The following CD38 variants were observed in gnomAD, a reference collection of about 807,000 sequenced individuals.
CD38 encodes the protein ADP-ribosyl cyclase/cyclic ADP-ribose hydrolase 1.
A neutral mutation model predicts 36.3 loss-of-function variants in CD38; 31 were observed. The ratio of observed to expected loss-of-function variants is 0.85; its 90% CI spans 0.64 to 1.15. CD38 has a LOEUF of 1.15. CD38 is among the 50% of genes most tolerant of loss of function. The pLI is 0.00. For synonymous variants in CD38, 131 were observed against 135.2 expected, an observed-to-expected ratio of 0.97 and a Z score of 0.22; for missense variants, 380 against 371.9, an observed-to-expected ratio of 1.02 and a Z score of -0.18.
chr4:15,841,691 C>T (rs954367646), intron 7 of CD38, among the ~76,000 whole-genome samples: 3 of 149,712 alleles, frequency 2.0e-5, no homozygotes, highest in Non-Finnish European at 4.4e-5. Context: ...GGGCGCAGGC[C>T]AGTGTGTGTG....
intron 1 of CD38, among the ~76,000 whole-genome samples, chr4:15,789,615 T>A (rs940583698): frequency 4.6e-5 from 7 of 152,124 alleles, no homozygotes; most frequent in Admixed American, 2.0e-4. Context: ...ATTGGCCCTT[T>A]AGGAGGTGAC....
intron 2 of CD38, among the ~76,000 whole-genome samples, chr4:15,824,359 G>A (rs954713321): frequency 2.0e-5 from 3 of 151,710 alleles, no homozygotes; most frequent in African/African-American, 7.3e-5. Flanking sequence ...TCATAAAACA[G>A]AATATAATTC....
chr4:15,807,356 A>G (rs1228548733), intron 1 of CD38, among the ~76,000 whole-genome samples: 1 of 152,208 alleles, frequency 6.6e-6, no homozygotes, highest in Non-Finnish European at 1.5e-5. Flanking sequence ...CCTATCAGCT[A>G]TGATAAAAGG....
At chr4:15,841,607 G>C (rs1577662677) in intron 7 of CD38, among the ~76,000 whole-genome samples, 2 of 148,232 alleles carry the variant, frequency 1.3e-5, no homozygotes, top group African/African-American at 5.2e-5. Flanking sequence ...CAGCGTGAGC[G>C]ACGCAGAAGA....
chr4:15,834,223 A>G lies in CD38; in HGVS notation c.506A>G (p.Asn169Ser), dbSNP rs748158740. 1.9e-6 allele frequency: 3 copies of G among 1,600,654 alleles called. No individual in the cohort carries two copies. Among genetic ancestry groups the G allele is most frequent in the Admixed American group, 1.7e-5 (1 of 59,998 alleles). ...TACAAACTATGTCTTTTAGAAATAA[A>G]CTATCAATCTTGCCCAGACTGGAGA... ...WCGEFNTSKI[N>S]YQSCPDWRKD... Residue 169 changes from asparagine to serine, a missense_variant, in exon 4 of 8, where the codon AAC becomes AGC. Asn to Ser is a conservative substitution (Grantham distance 46, BLOSUM62 1). Transcript: ENST00000226279.
At chr4:15,811,163 T>A (rs1723460214) in intron 1 of CD38, among the ~76,000 whole-genome samples, 1 of 152,234 alleles carries the variant, frequency 6.6e-6, no homozygotes, top group South Asian at 2.1e-4. Context: ...CTACTCTGGA[T>A]GCAAGTCCTG....
chr4:15,849,337 A>G lies in CD38; in HGVS notation c.*735A>G, dbSNP rs934852286. On this transcript the variant is annotated 3_prime_UTR_variant, in exon 8 of 8. Transcript: ENST00000226279. The stretch of plus-strand genomic sequence containing the variant: ...TAAGTCCTACATTTAGTATCAAGCT[A>G]GAGACTGAATTTGAACTCAACTCTG... 6.6e-6 allele frequency: 1 copy of G among 152,222 alleles called. No individual in the cohort carries two copies. The highest frequency in any genetic ancestry group is 2.4e-5 in the African/African-American group (1 of 41,452). 9.4% of individuals were successfully genotyped at this position (152,222 alleles called of 1,614,324 possible).
In CD38 at chr4:15,778,713, G is replaced by T; in HGVS notation, c.233+66G>T. 4 of 1,191,564 alleles carry T rather than the reference G, an allele frequency of 3.4e-6. No homozygotes were observed. Among genetic ancestry groups the T allele is most frequent in the Admixed American group, 2.1e-5 (1 of 48,610 alleles). The allele number at this position is 1,191,564 out of a possible 1,614,324, so 73.8% of individuals were successfully genotyped here. ...ACAGCAGGGCCCCGCGCGCAGGGAA[G>T]CCGCCCGGATCGCCCGGAACCGGGC... On this transcript the variant is annotated intron_variant, in intron 1 of 7. Transcript: ENST00000226279. This position sits in a 1 kb window ranked among gnomAD's most constrained non-coding sequence, Gnocchi z 4.9.
chr4:15,830,451 C>T (rs868030558), intron 3 of CD38, among the ~76,000 whole-genome samples: 3 of 152,108 alleles, frequency 2.0e-5, no homozygotes, highest in South Asian at 4.1e-4. Flanking sequence ...AGATTTCTTT[C>T]CTATAGAGTT....
intron 1 of CD38, among the ~76,000 whole-genome samples, chr4:15,809,962 G>A (rs143589020): frequency 5.6e-4 from 85 of 152,170 alleles, no homozygotes; most frequent in African/African-American, 1.8e-3. Flanking sequence ...TTGGCTTTAA[G>A]GATAAAATAA....
chr4:15,798,279 G>A lies in CD38; in HGVS notation c.234-18232G>A, dbSNP rs374809088. On this transcript the variant is annotated intron_variant, in intron 1 of 7. Coordinates refer to ENST00000226279, the MANE Select transcript of CD38 (RefSeq NM_001775.4). ...TCGGTTCAGCAGCACAGTGATGGCC[G>A]AGGCTCTTTCCTTCCACTCTTCCAT... 2.0e-5 allele frequency among the ~76,000 whole-genome samples: 3 copies of A among 152,264 alleles called. No homozygotes were observed. The South Asian group carries it at 6.2e-4, about 32-fold the overall frequency.
rs1157281141 is a variant in CD38 at position 15,840,087 on chromosome 4, T to C, written c.721T>C (p.Trp241Arg). 1 of 1,612,626 alleles carries C rather than the reference T, an allele frequency of 6.2e-7. No homozygotes were observed. Residue 241 changes from tryptophan (W) to arginine (R), a missense_variant, in exon 6 of 8, where the codon TGG becomes CGG. Trp to Arg is a moderately radical substitution (Grantham distance 101, BLOSUM62 -3). Transcript: ENST00000226279. ...QPEKVQTLEA[W>R]VIHGGREDSR... ...AGAGAAGGTTCAGACACTAGAGGCC[T>C]GGGTGATACATGGTGGAAGAGAAGA...
chr4:15,789,618 G>T (rs1265103588), intron 1 of CD38, among the ~76,000 whole-genome samples: 1 of 152,124 alleles, frequency 6.6e-6, no homozygotes, highest in Non-Finnish European at 1.5e-5. Context: ...GGCCCTTTAG[G>T]AGGTGACTGG....
intron 1 of CD38, among the ~76,000 whole-genome samples, chr4:15,809,948 G>T (rs907481615): frequency 6.6e-6 from 1 of 152,126 alleles, no homozygotes; most frequent in Non-Finnish European, 1.5e-5. Flanking sequence ...CCAAGGTGAG[G>T]TGTTTGGCTT....
chr4:15,821,821 C>G lies in CD38; in HGVS notation c.364-3060C>G, dbSNP rs190328718. Among the ~76,000 whole-genome samples, 25 of 151,784 alleles carry G rather than the reference C, an allele frequency of 1.6e-4. No individual in the cohort carries two copies. The East Asian group carries it at 4.8e-3, about 29-fold the overall frequency. On this transcript the variant is annotated intron_variant, in intron 2 of 7. Transcript: ENST00000226279. ...AAAATTGAAAAGTAAGGACTCCTCCCTAACTCATTTTATGAGACTAGCACC... is the reference window on the plus strand; with the variant it reads ...AAAATTGAAAAGTAAGGACTCCTCCGTAACTCATTTTATGAGACTAGCACC...
In CD38 at chr4:15,778,528, G is replaced by A. The variant is rs145039892; in HGVS notation, c.114G>A (p.Val38=). The change falls in exon 1 of 8, where the codon GTG becomes GTA. Residue 38 remains valine (V), a synonymous_variant. Coordinates refer to ENST00000226279, the MANE Select transcript of CD38 (RefSeq NM_001775.4). This position sits in a 1 kb window ranked among gnomAD's most constrained non-coding sequence, Gnocchi z 4.9. ...VSILVLILVV[V]LAVVVPRWRQ... Reference sequence around the variant, plus strand: ...TCCTGGTCCTGATCCTCGTCGTGGTGCTCGCGGTGGTCGTCCCGAGGTGGC... The same window carrying A: ...TCCTGGTCCTGATCCTCGTCGTGGTACTCGCGGTGGTCGTCCCGAGGTGGC... The A allele has an allele frequency of 6.2e-7, 1 of 1,613,464 alleles. No homozygotes were observed. Among genetic ancestry groups the A allele is most frequent in the African/African-American group, 1.3e-5 (1 of 75,024 alleles).
intron 5 of CD38, 92 bp from the exon 6 acceptor site, chr4:15,839,934 G>A: frequency 1.2e-6 from 1 of 828,388 alleles, no homozygotes; most frequent in Non-Finnish European, 2.2e-6. Context: ...ATAGGTCCTA[G>A]CCAGTGCCTT....
At chr4:15,840,376 G>A (rs553546795) in intron 6 of CD38, 76 bp from the exon 7 acceptor site, 24 of 967,494 alleles carry the variant, frequency 2.5e-5, no homozygotes, top group South Asian at 1.3e-4. Context: ...TGTCCAGGGC[G>A]TGCTACAAAA....
intron 1 of CD38, among the ~76,000 whole-genome samples, chr4:15,812,498 C>G (rs1723495004): frequency 1.3e-5 from 2 of 152,048 alleles, no homozygotes; most frequent in Non-Finnish European, 2.9e-5. Context: ...AAGTTCGAGA[C>G]CAGCCTGGCC....
Sources: gnomAD v4.1 joint callset for allele counts (sites outside exome capture counted in the v4.1 genomes callset) on GRCh38, gnomAD v4.1.1 for gene constraint, Gnocchi (gnomAD v3.1) non-coding constraint, MANE v1.5 for transcripts, NCBI Gene and HGNC (gene_info 2026-07-23, HGNC 2026-07-21) for gene names.